Variants in KRT79 observed in about 807,000 individuals in gnomAD.
KRT79 encodes the protein keratin, type II cytoskeletal 79.
Under a neutral mutation model 49.0 loss-of-function variants are expected in KRT79, and 51 were observed. The ratio of observed to expected loss-of-function variants is 1.04; its 90% CI spans 0.83 to 1.31. The LOEUF (loss-of-function observed/expected upper bound fraction) is 1.31. Ranked by LOEUF, KRT79 falls within the 40% of genes most tolerant of loss-of-function variation. The pLI, the probability that KRT79 is intolerant of heterozygous loss-of-function variation, is 0.00. For missense variants in KRT79, 728 were observed against 688.0 expected (o/e 1.06, Z -0.65); for synonymous variants, 312 against 286.6 (o/e 1.09, Z -0.90).
At chr12:52,824,971 A>G (rs1169692022) in intron 4 of KRT79, among the ~76,000 whole-genome samples, 1 of 152,234 alleles carries the variant, frequency 6.6e-6, no homozygotes, top group African/African-American at 2.4e-5. Context: ...ACTGAAAAGT[A>G]TAGACTGTCT....
chr12:52,827,641 A>G (rs1396811144), intron 4 of KRT79, among the ~76,000 whole-genome samples: 1 of 152,196 alleles, frequency 6.6e-6, no homozygotes, highest in Non-Finnish European at 1.5e-5. Context: ...AGCCAAGGAT[A>G]AGCCCGGGAA....
intron 1 of KRT79, among the ~76,000 whole-genome samples, chr12:52,832,912 A>G (rs1361096193): frequency 6.6e-6 from 1 of 152,194 alleles, no homozygotes; most frequent in East Asian, 1.9e-4. Context: ...TCATAGAAGC[A>G]CTGTGGGTAC....
chr12:52,822,257 G>A (rs1565688977), intron 8 of KRT79, 88 bp downstream of exon 8: 1 of 1,422,232 alleles, frequency 7.0e-7, no homozygotes, highest in Non-Finnish European at 9.8e-7. Context: ...AGGAGAGCAT[G>A]CTTTAGGACA....
At chr12:52,823,629 C>T (rs1043136721) in intron 6 of KRT79, among the ~76,000 whole-genome samples, 1 of 152,214 alleles carries the variant, frequency 6.6e-6, no homozygotes, top group African/African-American at 2.4e-5. Context: ...CCTGTTCTGA[C>T]TTCCTGGAGA....
chr12:52,824,264 GAC>G lies in KRT79; in HGVS notation c.952_953del (p.Val318GlnfsTer5). The G allele has an allele frequency of 6.2e-7, 1 of 1,614,238 alleles. No individual in the cohort carries two copies. The highest frequency in any genetic ancestry group is 8.5e-7 in the Non-Finnish European group (1 of 1,180,050). On this transcript the variant is annotated frameshift_variant, in exon 5 of 9. Transcript: ENST00000330553. LOFTEE classifies it high-confidence loss of function. Reference protein sequence around the residue: ...NLDLDSIIAEVKAQYELIAQR... With the variant: ...NLDLDSIIAEXKAQYELIAQR... ...GGGCAATCAGCTCATACTGGGCCTT[GAC>G]CTCGGCGATGATGCTGTCCAGGTCC... is the stretch of plus-strand genomic sequence containing the variant.
Position 52,833,790 on chromosome 12 carries a change from G to T in KRT79, c.471C>A (p.Ile157=), listed in dbSNP as rs151245582. 1.1e-5 allele frequency: 17 copies of T among 1,613,158 alleles called. No homozygotes were observed. Among genetic ancestry groups the T allele is most frequent in the Non-Finnish European group, 1.4e-5 (16 of 1,179,452 alleles). The change falls in exon 1 of 9, where the codon ATC becomes ATA. Residue 157 remains isoleucine (I), a synonymous_variant. Coordinates refer to ENST00000330553, the MANE Select transcript of KRT79 (RefSeq NM_175834.3). Reference sequence around the variant, plus strand: ...TCCTTCCTGCTTGGCCCACCTTGTCGATGAAGGAGGCGAACTTGTTGTTGA... The same window carrying T: ...TCCTTCCTGCTTGGCCCACCTTGTCTATGAAGGAGGCGAACTTGTTGTTGA... ...KTLNNKFASF[I]DKVRFLEQQN...
chr12:52,822,978 C>A lies in KRT79; in HGVS notation c.1367+38G>T, dbSNP rs755525088. 6.3e-6 allele frequency: 10 copies of A among 1,598,602 alleles called. No homozygotes were observed. In the South Asian group the frequency reaches 8.9e-5, roughly 14 times the overall value. On this transcript the variant is annotated intron_variant, in intron 7 of 8. Transcript: ENST00000330553. Reference sequence around the variant, plus strand: ...CCTGGGCTCTCCCCCAGGGCAGGCCCGACCCAGCTTTCTGGGTCGGGCAGG... The same window carrying A: ...CCTGGGCTCTCCCCCAGGGCAGGCCAGACCCAGCTTTCTGGGTCGGGCAGG...
intron 3 of KRT79, 46 bp downstream of exon 3, chr12:52,830,186 T>C (rs774466130): frequency 6.2e-7 from 1 of 1,613,028 alleles, no homozygotes. Context: ...ATCAGCCCAG[T>C]ACCCTGGCAG....
rs758037432 is a variant in KRT79 at position 52,823,196 on chromosome 12, C to T, written c.1187G>A (p.Arg396His). ...LQTAIAEAEQ[R>H]GELALKDAQK... Reference sequence around the variant, plus strand: ...AGCATCCTTGAGTGCCAGCTCCCCACGCTGCTCCGCTTCCGCAATGGCCGT... The same window carrying T: ...AGCATCCTTGAGTGCCAGCTCCCCATGCTGCTCCGCTTCCGCAATGGCCGT... Residue 396 changes from arginine (R) to histidine (H), a missense_variant, in exon 7 of 9, where the codon CGT becomes CAT. Coordinates refer to ENST00000330553, the MANE Select transcript of KRT79 (RefSeq NM_175834.3). 3.0e-5 allele frequency: 49 copies of T among 1,614,100 alleles called. No individual in the cohort carries two copies. Among genetic ancestry groups the T allele is most frequent in the Admixed American group, 2.2e-4 (13 of 60,006 alleles).
At chr12:52,825,407 A>T (rs1940162906) in intron 4 of KRT79, among the ~76,000 whole-genome samples, 1 of 152,218 alleles carries the variant, frequency 6.6e-6, no homozygotes, top group Admixed American at 6.5e-5. Context: ...CATCACTGTG[A>T]TTCAGGCTCT....
rs1459695210 is a variant in KRT79 at position 52,834,001 on chromosome 12, C to T, written c.260G>A (p.Gly87Asp). 1.9e-6 allele frequency: 3 copies of T among 1,611,624 alleles called. No individual in the cohort carries two copies. The highest frequency in any genetic ancestry group is 1.7e-6 in the Non-Finnish European group (2 of 1,178,700). Residue 87 changes from glycine to aspartate, a missense_variant, in exon 1 of 9, where the codon GGC (glycine) becomes GAC (aspartate). Gly to Asp is a moderately conservative substitution (Grantham distance 94). Transcript: ENST00000330553. ...AAATGCCCTGCTGCCAAAGCCAAAG[C>T]CCCCCAGAGCCCGCCCCAACAAGGC... is the stretch of plus-strand genomic sequence containing the variant. ...GGALLGRALG[G>D]FGFGSRAFMG... is the part of the protein sequence containing the mutation.
chr12:52,821,614 A>ACCGTATCATC lies in KRT79; in HGVS notation c.*257_*258insGATGATACGG. On this transcript the variant is annotated 3_prime_UTR_variant, in exon 9 of 9. Transcript: ENST00000330553. ...GAAATTCAGCCTCCTCTCGGTGGTC[A>ACCGTATCATC]AAAGGTCACCCCCAAGTCACCCAAG... 6.1e-5 allele frequency: 24 copies of ACCGTATCATC among 391,582 alleles called. No individual in the cohort carries two copies. Among genetic ancestry groups the ACCGTATCATC allele is most frequent in the Admixed American group, 1.4e-4 (3 of 21,936 alleles). The allele number at this position is 391,582 out of a possible 1,614,324, so 24.3% of individuals were successfully genotyped here.
rs775692198 is a variant in KRT79 at position 52,833,974 on chromosome 12, A to T, written c.287T>A (p.Met96Lys). ...GGFGFGSRAFMGQGAGRQTFG... is the reference protein window; with the variant it reads ...GGFGFGSRAFKGQGAGRQTFG... ...CGTCTGCCTGCCAGCCCCCTGTCCC[A>T]TAAATGCCCTGCTGCCAAAGCCAAA... Residue 96 changes from methionine (M) to lysine (K), a missense_variant, in exon 1 of 9, where the codon ATG becomes AAG. By Grantham distance (95) the Met-to-Lys change is moderately conservative. Transcript: ENST00000330553. The T allele has an allele frequency of 1.2e-6, 2 of 1,612,796 alleles. No homozygotes were observed. The highest frequency in any genetic ancestry group is 2.2e-5 in the East Asian group (1 of 44,838).
chr12:52,829,039 G>A (rs1378863293), intron 4 of KRT79, among the ~76,000 whole-genome samples: 2 of 152,214 alleles, frequency 1.3e-5, no homozygotes, highest in Non-Finnish European at 2.9e-5. Flanking sequence ...CTAAAAAGTA[G>A]TGAGCTCACT....
intron 4 of KRT79, among the ~76,000 whole-genome samples, chr12:52,828,856 C>T (rs533921770): frequency 8.5e-5 from 13 of 152,252 alleles, no homozygotes; most frequent in South Asian, 2.1e-4. Context: ...GTTTCCTGAA[C>T]GTCCTCACAT....
Position 52,827,846 on chromosome 12 carries a change from G to A in KRT79, c.855+2177C>T, listed in dbSNP as rs184671902. Among the ~76,000 whole-genome samples the A allele has an allele frequency of 6.0e-3, 914 of 152,280 alleles. 9 individuals carry two copies. Among genetic ancestry groups the A allele is most frequent in the African/African-American group, 0.021 (853 of 41,548 alleles). On this transcript the variant is annotated intron_variant, in intron 4 of 8. Transcript: ENST00000330553. ...AAGAAATATGCTTGAGAGGAAATGG[G>A]AACCCAAGACAGGGTAGATGAGAGA...
chr12:52,831,486 C>T lies in KRT79; in HGVS notation c.618G>A (p.Leu206=). 2 of 1,614,244 alleles carry T rather than the reference C, an allele frequency of 1.2e-6. No homozygotes were observed. The highest frequency in any genetic ancestry group is 3.3e-5 in the Admixed American group (2 of 60,032). Residue 206 remains leucine (L), a synonymous_variant, in exon 2 of 9, where the codon CTG becomes CTA. Transcript: ENST00000330553. The part of the protein sequence containing the change: ...EAYLGSMRST[L]DRLQSERGRL... Reference sequence around the variant, plus strand: ...TCCCCCGCTCGCTCTGAAGTCTGTCCAGCGTGCTCCGCATGCTACCCAGGT... The same window carrying T: ...TCCCCCGCTCGCTCTGAAGTCTGTCTAGCGTGCTCCGCATGCTACCCAGGT...
Position 52,823,933 on chromosome 12 carries a change from C to T in KRT79, c.1100G>A (p.Arg367His), listed in dbSNP as rs747150609. The change falls in exon 6 of 9, where the codon CGC (arginine) becomes CAC (histidine). Residue 367 changes from arginine to histidine, a missense_variant. Physicochemically the swap from Arg to His is conservative, Grantham distance 29. Transcript: ENST00000330553. ...CTCCCCCTGCAGCCTCTGGATAGTG[C>T]GGGTGAGCTCAGCAATCTCGTTCTT... ...DTKNEIAELTRTIQRLQGEAD... is the reference protein window; with the variant it reads ...DTKNEIAELTHTIQRLQGEAD... 9 of 1,613,928 alleles carry T rather than the reference C, an allele frequency of 5.6e-6. No homozygotes were observed. Among genetic ancestry groups the T allele is most frequent in the African/African-American group, 2.7e-5 (2 of 74,926 alleles).
In KRT79 at chr12:52,830,091, T is replaced by A; in HGVS notation, c.787A>T (p.Met263Leu). 6.2e-7 allele frequency: 1 copy of A among 1,614,106 alleles called. No homozygotes were observed. The highest frequency in any genetic ancestry group is 2.2e-5 in the East Asian group (1 of 44,866). ...GTGCCCACTTTGCCATGCAGATCCATCCGGCCCATGTATGCTGCATCCACA... is the reference window on the plus strand; with the variant it reads ...GTGCCCACTTTGCCATGCAGATCCAACCGGCCCATGTATGCTGCATCCACA... ...KDVDAAYMGR[M>L]DLHGKVGTLT... Residue 263 changes from methionine to leucine, a missense_variant, in exon 4 of 9, where the codon ATG becomes TTG. Transcript: ENST00000330553.
Sources: gnomAD v4.1 joint callset for allele counts (sites outside exome capture counted in the v4.1 genomes callset) on GRCh38, gnomAD v4.1.1 for gene constraint, MANE v1.5 for transcripts, NCBI Gene and HGNC (gene_info 2026-07-23, HGNC 2026-07-21) for gene names.